BACH2: variants seen among roughly 807,000 people sequenced by gnomAD.
The protein encoded by BACH2 is BACH transcriptional regulator 2, also known as transcription regulator protein BACH2.
In BACH2, 5 loss-of-function variants were observed where a neutral mutation model predicts 61.8. The ratio of observed to expected loss-of-function variants is 0.08; its 90% CI spans 0.04 to 0.17. The LOEUF is 0.17. BACH2 is among the 10% of genes least tolerant of loss of function. The pLI is 1.00. For missense variants in BACH2, 824 were observed against 1,091.1 expected (o/e 0.76, Z 3.45); for synonymous variants, 446 against 440.1 (o/e 1.01, Z -0.17).
intron 5 of BACH2, among the ~76,000 whole-genome samples, chr6:90,040,843 G>A (rs371543626): frequency 1.3e-5 from 2 of 151,640 alleles, no homozygotes; most frequent in Non-Finnish European, 2.9e-5. Context: ...TTGTAAATAG[G>A]ATATTAACTT....
intron 1 of BACH2, among the ~76,000 whole-genome samples, chr6:90,276,851 T>C (rs980473802): frequency 2.6e-5 from 4 of 151,930 alleles, no homozygotes; most frequent in Non-Finnish European, 5.9e-5. Context: ...AGAAAAAAAA[T>C]ATAACTGTAA....
At chr6:90,245,364 G>A (rs1770597346) in intron 3 of BACH2, among the ~76,000 whole-genome samples, 1 of 152,170 alleles carries the variant, frequency 6.6e-6, no homozygotes, top group African/African-American at 2.4e-5. Context: ...GCCAAGGCAG[G>A]AGGATCACTT....
At chr6:90,013,342 A>C (rs982640302) in intron 5 of BACH2, among the ~76,000 whole-genome samples, 2 of 152,048 alleles carry the variant, frequency 1.3e-5, no homozygotes, top group African/African-American at 4.8e-5. Flanking sequence ...TGCTTTCCTG[A>C]TGTTAGGAAG....
intron 7 of BACH2, among the ~76,000 whole-genome samples, chr6:89,948,600 G>A (rs1392934539): frequency 2.6e-5 from 4 of 152,176 alleles, no homozygotes; most frequent in East Asian, 1.9e-4. Flanking sequence ...GCCATGATGC[G>A]GATGAGGTGG....
intron 6 of BACH2, among the ~76,000 whole-genome samples, chr6:89,974,528 A>G (rs1231978058): frequency 2.6e-5 from 4 of 152,186 alleles, no homozygotes; most frequent in Non-Finnish European, 5.9e-5. Context: ...ATCACGGGAG[A>G]AAAAACGCCC....
In BACH2 at chr6:90,177,475, A is replaced by C. The variant is rs571700670; in HGVS notation, c.-162+29094T>G. On this transcript the variant is annotated intron_variant, in intron 4 of 8. Coordinates refer to ENST00000257749, the MANE Select transcript of BACH2 (RefSeq NM_021813.4). ...ACCTCTTTTACAAACGAGGAAACTG[A>C]GATTTAGGAGGTTAACATCCCCAGG... is the stretch of plus-strand genomic sequence containing the variant. Among the ~76,000 whole-genome samples, 3 of 152,282 alleles carry C rather than the reference A, an allele frequency of 2.0e-5. No individual in the cohort carries two copies. The East Asian group carries it at 5.8e-4, about 29-fold the overall frequency.
chr6:90,163,659 C>A (rs1230767747), intron 4 of BACH2, among the ~76,000 whole-genome samples: 2 of 152,108 alleles, frequency 1.3e-5, no homozygotes, highest in African/African-American at 4.8e-5. Flanking sequence ...ACATTCCCAT[C>A]CTGTGAAATT....
intron 4 of BACH2, among the ~76,000 whole-genome samples, chr6:90,142,377 T>C (rs1323673508): frequency 6.6e-6 from 1 of 152,228 alleles, no homozygotes; most frequent in Non-Finnish European, 1.5e-5. Flanking sequence ...CATCCAATCC[T>C]AGGCTATGGG....
intron 6 of BACH2, among the ~76,000 whole-genome samples, chr6:89,979,120 T>C (rs1775813913): frequency 6.6e-6 from 1 of 152,170 alleles, no homozygotes; most frequent in Non-Finnish European, 1.5e-5. Flanking sequence ...AAAAAATAAC[T>C]GTATGGACAG....
intron 4 of BACH2, among the ~76,000 whole-genome samples, chr6:90,165,478 C>A (rs1767577691): frequency 1.3e-5 from 2 of 152,122 alleles, no homozygotes; most frequent in Admixed American, 1.3e-4. Flanking sequence ...AATGGCCATA[C>A]TGCCCAAGGT....
At chr6:90,241,306 A>G (rs1208453266) in intron 3 of BACH2, among the ~76,000 whole-genome samples, 1 of 152,148 alleles carries the variant, frequency 6.6e-6, no homozygotes, top group Non-Finnish European at 1.5e-5. Context: ...GGTATTCACC[A>G]CAGCTAAAAT....
intron 5 of BACH2, among the ~76,000 whole-genome samples, chr6:90,050,596 T>G (rs1779996191): frequency 6.6e-6 from 1 of 152,212 alleles, no homozygotes; most frequent in Non-Finnish European, 1.5e-5. Flanking sequence ...TCTTTTCACT[T>G]TTATCTTGAA....
chr6:89,948,552 C>T (rs962852711), intron 7 of BACH2, among the ~76,000 whole-genome samples: 2 of 152,168 alleles, frequency 1.3e-5, no homozygotes, highest in African/African-American at 2.4e-5. Context: ...GACTGCAGGC[C>T]TTTGTGCTCT....
At chr6:89,994,343 A>G (rs549136863) in intron 6 of BACH2, among the ~76,000 whole-genome samples, 11 of 152,368 alleles carry the variant, frequency 7.2e-5, no homozygotes, top group Admixed American at 2.0e-4. Flanking sequence ...AGTCATTTCC[A>G]GAGATGTAAC....
intron 3 of BACH2, among the ~76,000 whole-genome samples, chr6:90,214,352 C>A (rs953748473): frequency 1.4e-5 from 2 of 142,792 alleles, no homozygotes; most frequent in East Asian, 2.0e-4. Flanking sequence ...TCTCCCTTGG[C>A]GGGGCGGGGG....
At chr6:90,145,818 G>A (rs1044129789) in intron 4 of BACH2, among the ~76,000 whole-genome samples, 1 of 152,198 alleles carries the variant, frequency 6.6e-6, no homozygotes, top group Non-Finnish European at 1.5e-5. Context: ...TTTGCACAGA[G>A]AGGTAAAACA....
intron 6 of BACH2, among the ~76,000 whole-genome samples, chr6:89,994,572 G>T (rs1432460417): frequency 6.6e-6 from 1 of 152,138 alleles, no homozygotes; most frequent in Admixed American, 6.5e-5. Flanking sequence ...AGAATGAAGA[G>T]CCCCGAGTTG....
rs1044220712 is a variant in BACH2 at position 90,287,742 on chromosome 6, C to G, written c.-446+8738G>C. On this transcript the variant is annotated intron_variant, in intron 1 of 8. Coordinates refer to ENST00000257749, the MANE Select transcript of BACH2 (RefSeq NM_021813.4). ...CTCCTATCACCAGGTTACCAGTGTG[C>G]GAAATTCTATTGTTTTTATCTTTAG... Among the ~76,000 whole-genome samples, 9 of 152,272 alleles carry G rather than the reference C, an allele frequency of 5.9e-5. No homozygotes were observed. The South Asian group carries it at 6.2e-4, about 11-fold the overall frequency.
intron 4 of BACH2, among the ~76,000 whole-genome samples, chr6:90,116,437 C>T (rs554090594): frequency 4.6e-4 from 70 of 152,058 alleles, no homozygotes; most frequent in African/African-American, 1.5e-3. Flanking sequence ...GTGGGAGCTA[C>T]GTGATAAGAA....
Sources: gnomAD v4.1 joint callset for allele counts (sites outside exome capture counted in the v4.1 genomes callset) on GRCh38, gnomAD v4.1.1 for gene constraint, MANE v1.5 for transcripts, NCBI Gene and HGNC (gene_info 2026-07-23, HGNC 2026-07-21) for gene names.